Variants in FAM162A observed in about 807,000 individuals in gnomAD.
FAM162A encodes family with sequence similarity 162 member A.
Under a neutral mutation model 21.8 loss-of-function variants are expected in FAM162A, and 23 were observed. That is an observed-to-expected ratio of 1.05 (90% CI 0.76 to 1.49). The LOEUF is 1.49. Ranked by LOEUF, FAM162A falls within the 40% of genes most tolerant of loss-of-function variation. FAM162A has a pLI of 0.00. For synonymous variants in FAM162A, 53 were observed against 61.3 expected (o/e 0.86, Z 0.64); for missense variants, 165 against 186.4 (o/e 0.89, Z 0.67).
At position 122,409,620 on chromosome 3, in the gene FAM162A, C is replaced by T. The variant is rs2075694435; in HGVS notation, c.373-119C>T. 4.2e-5 allele frequency: 34 copies of T among 811,614 alleles called. No individual in the cohort carries two copies. The South Asian group carries it at 5.3e-4, about 13-fold the overall frequency. 50.3% of individuals were successfully genotyped at this position (811,614 alleles called of 1,614,324 possible). A position where few individuals can be genotyped will look rare whatever the true frequency, so the allele number is the denominator to read the frequency against. ...AGAGGAAACTGCCGTGCTCAGTGTGCAAGCAGCAGAGGACTCCATGCCTCC... is the reference window on the plus strand; with the variant it reads ...AGAGGAAACTGCCGTGCTCAGTGTGTAAGCAGCAGAGGACTCCATGCCTCC... On this transcript the variant is annotated intron_variant, in intron 4 of 4. Transcript: ENST00000477892.
intron 3 of FAM162A, among the ~76,000 whole-genome samples, chr3:122,405,538 T>G (rs565783980): frequency 6.6e-6 from 1 of 152,298 alleles, no homozygotes; most frequent in Non-Finnish European, 1.5e-5. Flanking sequence ...ATGCCCTAAT[T>G]CTTCCTATAC....
At chr3:122,408,277 C>T (rs1202002568) in intron 4 of FAM162A, among the ~76,000 whole-genome samples, 39 of 152,164 alleles carry the variant, frequency 2.6e-4, no homozygotes, top group Non-Finnish European at 5.9e-5. Flanking sequence ...GTTACCAAAC[C>T]TCATACTATA....
chr3:122,391,810 C>T (rs2075605412), intron 1 of FAM162A, among the ~76,000 whole-genome samples: 1 of 152,222 alleles, frequency 6.6e-6, no homozygotes, highest in Non-Finnish European at 1.5e-5. Context: ...CTAGCCCTTG[C>T]TTCCCTTCAA....
chr3:122,405,777 C>T (rs1317108586), intron 3 of FAM162A, among the ~76,000 whole-genome samples: 1 of 152,216 alleles, frequency 6.6e-6, no homozygotes, highest in Non-Finnish European at 1.5e-5. Context: ...TCCTATTACT[C>T]CCTATGGAAT....
At chr3:122,385,247 T>C (rs2075569754) in intron 1 of FAM162A, among the ~76,000 whole-genome samples, 1 of 152,152 alleles carries the variant, frequency 6.6e-6, no homozygotes, top group African/African-American at 2.4e-5. Flanking sequence ...CTTCCCCACC[T>C]CAAGATTATC....
intron 1 of FAM162A, among the ~76,000 whole-genome samples, chr3:122,399,059 C>G (rs2075641811): frequency 6.6e-6 from 1 of 152,048 alleles, no homozygotes; most frequent in African/African-American, 2.4e-5. Flanking sequence ...CATTAGTTAT[C>G]TTTTCTGATC....
chr3:122,401,377 T>G (rs367902396), intron 1 of FAM162A: 2 of 1,014,564 alleles, frequency 2.0e-6, no homozygotes, highest in South Asian at 7.4e-5. Flanking sequence ...TTCTTTCAGG[T>G]TGGTTCATGT....
chr3:122,403,867 C>G (rs2075665111), intron 2 of FAM162A, among the ~76,000 whole-genome samples: 1 of 152,176 alleles, frequency 6.6e-6, no homozygotes. Flanking sequence ...TACCGTGTCC[C>G]CCTTTTCTGT....
intron 1 of FAM162A, among the ~76,000 whole-genome samples, chr3:122,389,666 A>G (rs1219079452): frequency 6.6e-6 from 1 of 152,220 alleles, no homozygotes; most frequent in Admixed American, 6.5e-5. Flanking sequence ...AAGTATTAAT[A>G]TCTTGGAAAG....
chr3:122,402,832 G>C lies in FAM162A; in HGVS notation c.107G>C (p.Arg36Thr). 1 of 1,604,298 alleles carries C rather than the reference G, an allele frequency of 6.2e-7. No individual in the cohort carries two copies. Among genetic ancestry groups the C allele is most frequent in the Non-Finnish European group, 8.5e-7 (1 of 1,175,788 alleles). The change falls in exon 2 of 5, where the codon AGA becomes ACA. Residue 36 changes from arginine to threonine, a missense_variant. Physicochemically the swap from Arg to Thr is moderately conservative, Grantham distance 71. Coordinates refer to ENST00000477892, the MANE Select transcript of FAM162A (RefSeq NM_014367.4). ...LRLTRSSDLK[R>T]INGFCTKPQE... ...CTTACCAGAAGCTCTGATTTGAAGA[G>C]AATAAATGGATTTTGCACAAAACCA...
In FAM162A at chr3:122,409,895, A is replaced by T; in HGVS notation, c.*64A>T. 1 of 1,383,026 alleles carries T rather than the reference A, an allele frequency of 7.2e-7. No individual in the cohort carries two copies. The highest frequency in any genetic ancestry group is 1.0e-6 in the Non-Finnish European group (1 of 971,690). The allele number at this position is 1,383,026 out of a possible 1,614,324, so 85.7% of individuals were successfully genotyped here. A position where few individuals can be genotyped will look rare whatever the true frequency, so the allele number is the denominator to read the frequency against. The stretch of plus-strand genomic sequence containing the variant: ...AATTATGTTATAACGTGCCTGTATT[A>T]AAAAGGATGTGGTATGAGGATCCAT... On this transcript the variant is annotated 3_prime_UTR_variant, in exon 5 of 5. Transcript: ENST00000477892.
chr3:122,403,647 C>T (rs1014835068), intron 2 of FAM162A, among the ~76,000 whole-genome samples: 1 of 152,060 alleles, frequency 6.6e-6, no homozygotes, highest in Admixed American at 6.6e-5. Flanking sequence ...GGTCTTTTCC[C>T]GTCTTCTTTT....
rs770901241 is a variant in FAM162A, at chr3:122,402,839, T to C, written c.114T>C (p.Asn38=). ...GAAGCTCTGATTTGAAGAGAATAAA[T>C]GGATTTTGCACAAAACCACAGGAAA... ...LTRSSDLKRI[N]GFCTKPQESP... is the part of the protein sequence containing the mutation. The change falls in exon 2 of 5, where the codon AAT becomes AAC. Residue 38 remains asparagine, a synonymous_variant. Coordinates refer to ENST00000477892, the MANE Select transcript of FAM162A (RefSeq NM_014367.4). The C allele has an allele frequency of 1.9e-6, 3 of 1,605,388 alleles. No homozygotes were observed. The South Asian group carries it at 3.4e-5, about 18-fold the overall frequency.
chr3:122,386,556 TA>T (rs1185441822), intron 1 of FAM162A, among the ~76,000 whole-genome samples: 18,174 of 105,656 alleles, frequency 0.17, 1,227 homozygotes, highest in East Asian at 0.35. Context: ...AGACCCTGTC[TA>T]AAAAAAAAAA....
intron 1 of FAM162A, among the ~76,000 whole-genome samples, chr3:122,398,453 A>G (rs755008726): frequency 2.0e-5 from 3 of 152,222 alleles, no homozygotes; most frequent in Non-Finnish European, 4.4e-5. Context: ...ACCACCTATG[A>G]CATTCTTGCT....
At chr3:122,406,303 G>A (rs2075676326) in intron 3 of FAM162A, among the ~76,000 whole-genome samples, 1 of 152,190 alleles carries the variant, frequency 6.6e-6, no homozygotes, top group Non-Finnish European at 1.5e-5. Context: ...GGCAATGCAT[G>A]CCTATAGCCC....
intron 3 of FAM162A, among the ~76,000 whole-genome samples, chr3:122,405,653 CCT>C (rs937430399): frequency 2.0e-5 from 3 of 152,148 alleles, no homozygotes; most frequent in Non-Finnish European, 4.4e-5. Flanking sequence ...TCCAAGATCC[CCT>C]CAGGCCCAAA....
At chr3:122,389,032 GAGCAAGA>G (rs1195112763) in intron 1 of FAM162A, among the ~76,000 whole-genome samples, 1 of 148,910 alleles carries the variant, frequency 6.7e-6, no homozygotes, top group Non-Finnish European at 1.5e-5. Context: ...CTGGGCAACA[GAGCAAGA>G]CTCCGTCTCA....
intron 1 of FAM162A, among the ~76,000 whole-genome samples, chr3:122,399,477 A>T (rs2075643607): frequency 6.6e-6 from 1 of 152,108 alleles, no homozygotes; most frequent in South Asian, 2.1e-4. Context: ...ACAGGCATGC[A>T]CCACTGGGCC....
Sources: allele counts gnomAD v4.1 joint callset (sites outside exome capture counted in the v4.1 genomes callset), GRCh38; gene constraint gnomAD v4.1.1; transcripts MANE v1.5; gene names NCBI Gene and HGNC (gene_info 2026-07-23, HGNC 2026-07-21).